The following CCSER1 variants were observed in gnomAD, a reference collection of about 807,000 sequenced individuals.
CCSER1 encodes the protein serine-rich coiled-coil domain-containing protein 1.
Under a neutral mutation model 82.0 loss-of-function variants are expected in CCSER1, and 41 were observed. The ratio of observed to expected loss-of-function variants is 0.50; its 90% CI spans 0.39 to 0.65. CCSER1 has a LOEUF of 0.65. CCSER1 is among the 30% of genes least tolerant of loss of function. CCSER1 has a pLI of 0.00. For synonymous variants in CCSER1, 414 were observed against 383.9 expected (o/e 1.08, Z -0.92); for missense variants, 1,119 against 1,064.2 (o/e 1.05, Z -0.72).
At chr4:91,099,684 T>C (rs888514832) in intron 10 of CCSER1, among the ~76,000 whole-genome samples, 4 of 152,184 alleles carry the variant, frequency 2.6e-5, no homozygotes, top group African/African-American at 9.7e-5. Flanking sequence ...TGGGGACTGC[T>C]TCCAGGCTAT....
At chr4:90,671,393 C>A (rs979209157) in intron 6 of CCSER1, among the ~76,000 whole-genome samples, 2 of 152,032 alleles carry the variant, frequency 1.3e-5, no homozygotes, top group African/African-American at 4.8e-5. Context: ...CAAAACTTTT[C>A]TTGTCCTTTC....
At chr4:90,712,482 G>C (rs1740813838) in intron 6 of CCSER1, among the ~76,000 whole-genome samples, 1 of 151,740 alleles carries the variant, frequency 6.6e-6, no homozygotes, top group Non-Finnish European at 1.5e-5. Flanking sequence ...TTGATTTCTA[G>C]TTTGGGCTGT....
At chr4:90,264,235 G>T (rs549424369) in intron 1 of CCSER1, among the ~76,000 whole-genome samples, 84 of 152,250 alleles carry the variant, frequency 5.5e-4, no homozygotes, top group Admixed American at 9.2e-4. Flanking sequence ...ATGGCTTTGA[G>T]TGTTTTGAGC....
At chr4:90,222,764 CT>C (rs1426339001) in intron 1 of CCSER1, among the ~76,000 whole-genome samples, 1 of 152,068 alleles carries the variant, frequency 6.6e-6, no homozygotes, top group African/African-American at 2.4e-5. Context: ...AATACAAACT[CT>C]TTCTGATTTC....
At chr4:91,084,848 A>G (rs911995636) in intron 9 of CCSER1, among the ~76,000 whole-genome samples, 1 of 152,106 alleles carries the variant, frequency 6.6e-6, no homozygotes, top group Admixed American at 6.6e-5. Flanking sequence ...ATGTGTTTTT[A>G]TCTAAACAAT....
At chr4:90,390,514 C>T (rs1201105164) in intron 3 of CCSER1, among the ~76,000 whole-genome samples, 1 of 152,118 alleles carries the variant, frequency 6.6e-6, no homozygotes, top group African/African-American at 2.4e-5. Flanking sequence ...TGTTTATCTC[C>T]CACTTATAAG....
At chr4:90,926,962 A>T (rs1258923170) in intron 9 of CCSER1, among the ~76,000 whole-genome samples, 1 of 152,046 alleles carries the variant, frequency 6.6e-6, no homozygotes, top group Non-Finnish European at 1.5e-5. Flanking sequence ...CAAATGTATA[A>T]ACAGATGTTT....
At chr4:91,090,882 C>G (rs759411377) in intron 10 of CCSER1, among the ~76,000 whole-genome samples, 1 of 152,142 alleles carries the variant, frequency 6.6e-6, no homozygotes, top group Non-Finnish European at 1.5e-5. Context: ...TCCATCAATG[C>G]CTGGAGATAC....
chr4:90,345,312 A>G (rs1370839413), intron 3 of CCSER1, among the ~76,000 whole-genome samples: 1 of 152,136 alleles, frequency 6.6e-6, no homozygotes, highest in African/African-American at 2.4e-5. Context: ...CAGTAAGGGT[A>G]CTATGTGTGT....
intron 5 of CCSER1, among the ~76,000 whole-genome samples, chr4:90,600,458 A>G (rs530078812): frequency 3.7e-4 from 57 of 152,186 alleles, no homozygotes; most frequent in African/African-American, 1.3e-3. Flanking sequence ...CTTATTTGCT[A>G]TCTGTATATC....
intron 10 of CCSER1, among the ~76,000 whole-genome samples, chr4:91,216,111 A>C (rs983344905): frequency 1.3e-4 from 20 of 152,178 alleles, no homozygotes; most frequent in African/African-American, 4.8e-4. Flanking sequence ...TTCTGCTTGA[A>C]TATTTCAAAC....
At chr4:91,586,906 C>T (rs552654997) in intron 10 of CCSER1, among the ~76,000 whole-genome samples, 1 of 151,662 alleles carries the variant, frequency 6.6e-6, no homozygotes, top group South Asian at 2.1e-4. Context: ...ATTTGAATCA[C>T]TCATTGTATT....
intron 6 of CCSER1, among the ~76,000 whole-genome samples, chr4:90,649,029 A>T (rs1728235684): frequency 6.6e-6 from 1 of 152,200 alleles, no homozygotes; most frequent in African/African-American, 2.4e-5. Flanking sequence ...CTTTGCACTG[A>T]TAAGAAAACA....
chr4:90,837,668 A>G (rs1561223067), intron 8 of CCSER1, among the ~76,000 whole-genome samples: 1 of 152,220 alleles, frequency 6.6e-6, no homozygotes, highest in South Asian at 2.1e-4. Context: ...ATTCTAAGAC[A>G]TTGGAAGAGT....
chr4:90,298,559 T>C (rs937231497), intron 1 of CCSER1, among the ~76,000 whole-genome samples: 1 of 152,084 alleles, frequency 6.6e-6, no homozygotes, highest in African/African-American at 2.4e-5. Context: ...TTGCTCTTGC[T>C]TTTCTGGTTC....
intron 1 of CCSER1, among the ~76,000 whole-genome samples, chr4:90,137,571 C>T (rs944487275): frequency 1.3e-5 from 2 of 152,106 alleles, no homozygotes; most frequent in Non-Finnish European, 2.9e-5. Context: ...AAGTACCCAG[C>T]CTCAGAGGCC....
rs568052933 is a variant in CCSER1 at position 90,312,786 on chromosome 4, A to G, written c.1325-77A>G. 34 of 1,135,674 alleles carry G rather than the reference A, an allele frequency of 3.0e-5. No homozygotes were observed. The South Asian group carries it at 4.2e-4, about 14-fold the overall frequency. 70.3% of individuals were successfully genotyped at this position (1,135,674 alleles called of 1,614,324 possible). On this transcript the variant is annotated intron_variant, in intron 2 of 10. Transcript: ENST00000509176. ...CTTTGAATAACACTAAGAGTTTTTC[A>G]TGATCTTTCAGTGGGACATTTGTAA...
chr4:91,334,445 T>A (rs1452788419), intron 10 of CCSER1, among the ~76,000 whole-genome samples: 1 of 152,056 alleles, frequency 6.6e-6, no homozygotes, highest in Non-Finnish European at 1.5e-5. Flanking sequence ...TTACTATGTG[T>A]CAATGTTTGA....
At chr4:91,393,933 T>C (rs958824992) in intron 10 of CCSER1, among the ~76,000 whole-genome samples, 1 of 152,132 alleles carries the variant, frequency 6.6e-6, no homozygotes, top group Non-Finnish European at 1.5e-5. Flanking sequence ...TGTCATTGCT[T>C]CTTCCCTCCC....
Sources: allele counts gnomAD v4.1 joint callset (sites outside exome capture counted in the v4.1 genomes callset), GRCh38; gene constraint gnomAD v4.1.1; transcripts MANE v1.5; gene names NCBI Gene and HGNC (gene_info 2026-07-23, HGNC 2026-07-21).